The following FER1L6 variants were observed in gnomAD, a reference collection of about 807,000 sequenced individuals.
The protein encoded by FER1L6 is fer-1 like family member 6, also known as fer-1-like protein 6.
In FER1L6, 177 loss-of-function variants were observed where a neutral mutation model predicts 219.2. The observed-to-expected ratio is 0.81, with a 90% CI of 0.71 to 0.91. FER1L6 has a LOEUF of 0.91. Ranked by LOEUF, FER1L6 falls within the 40% of genes least tolerant of loss-of-function variation. FER1L6 has a pLI of 0.00. For synonymous variants in FER1L6, 768 were observed against 824.3 expected (o/e 0.93, Z 1.17); for missense variants, 2,153 against 2,259.9 (o/e 0.95, Z 0.96).
intron 1 of FER1L6, among the ~76,000 whole-genome samples, chr8:123,893,098 G>C (rs1387333317): frequency 6.6e-6 from 1 of 152,010 alleles, no homozygotes; most frequent in Non-Finnish European, 1.5e-5. Flanking sequence ...TTGTCAACTG[G>C]GTCATTGGTT....
At chr8:123,965,910 T>C in intron 3 of FER1L6, 97 bp from the exon 4 acceptor site, 2 of 1,093,560 alleles carry the variant, frequency 1.8e-6, no homozygotes, top group Non-Finnish European at 2.7e-6. Flanking sequence ...TGTAATAATA[T>C]TAAATGAAAG....
chr8:124,100,103 T>A (rs904494910), intron 37 of FER1L6, among the ~76,000 whole-genome samples: 1 of 152,268 alleles, frequency 6.6e-6, no homozygotes, highest in Middle Eastern at 3.4e-3. Context: ...CCCTGAGTGG[T>A]GACACTCCTC....
chr8:124,047,239 C>A (rs1484843060), intron 21 of FER1L6, among the ~76,000 whole-genome samples: 1 of 152,208 alleles, frequency 6.6e-6, no homozygotes, highest in African/African-American at 2.4e-5. Flanking sequence ...ACTTTGGAGC[C>A]AGGCAGACTT....
chr8:123,860,080 C>G (rs963639409), intron 1 of FER1L6, among the ~76,000 whole-genome samples: 2 of 139,994 alleles, frequency 1.4e-5, no homozygotes, highest in Non-Finnish European at 3.0e-5. Context: ...ACTGCACCCA[C>G]TAACTCGTCA....
intron 13 of FER1L6, among the ~76,000 whole-genome samples, chr8:124,005,147 C>T (rs28639571): frequency 3.0e-3 from 453 of 152,286 alleles, no homozygotes; most frequent in African/African-American, 0.01. Flanking sequence ...GCACCTTCAC[C>T]TTACATTACT....
intron 1 of FER1L6, among the ~76,000 whole-genome samples, chr8:123,898,038 C>T (rs766468086): frequency 1.3e-5 from 2 of 151,892 alleles, no homozygotes; most frequent in Non-Finnish European, 2.9e-5. Flanking sequence ...TTTTGTGCAT[C>T]TCTGACTTAA....
intron 26 of FER1L6, among the ~76,000 whole-genome samples, chr8:124,065,952 A>C (rs1005745092): frequency 1.3e-5 from 2 of 152,254 alleles, no homozygotes; most frequent in African/African-American, 4.8e-5. Context: ...AGAATTGCCT[A>C]AATTATGTAC....
chr8:123,928,360 TG>T (rs1388762075), intron 1 of FER1L6, among the ~76,000 whole-genome samples: 5 of 152,190 alleles, frequency 3.3e-5, no homozygotes. Flanking sequence ...AATGCAGGCA[TG>T]TGACAGGCTC....
Position 124,119,694 on chromosome 8 carries a change from C to A in FER1L6, c.5478C>A (p.Ile1826=). ...LIWKNYKKYI[I]IAFILIILII... is the part of the protein sequence containing the mutation. Reference sequence around the variant, plus strand: ...GGAAGAATTACAAAAAGTACATCATCATTGCTTTCATTCTCATCATCCTCA... The same window carrying A: ...GGAAGAATTACAAAAAGTACATCATAATTGCTTTCATTCTCATCATCCTCA... Residue 1826 remains isoleucine, a synonymous_variant, in exon 41 of 41, where the codon ATC becomes ATA. Coordinates refer to ENST00000522917, the MANE Select transcript of FER1L6 (RefSeq NM_001039112.2). 6.2e-7 allele frequency: 1 copy of A among 1,613,018 alleles called. No homozygotes were observed. Among genetic ancestry groups the A allele is most frequent in the Non-Finnish European group, 8.5e-7 (1 of 1,179,012 alleles).
At chr8:123,900,945 A>T (rs1812845371) in intron 1 of FER1L6, among the ~76,000 whole-genome samples, 3 of 152,120 alleles carry the variant, frequency 2.0e-5, no homozygotes, top group Admixed American at 1.3e-4. Context: ...TTCATCAAGG[A>T]TATTGATCTG....
At chr8:123,887,248 A>G (rs904865310) in intron 1 of FER1L6, among the ~76,000 whole-genome samples, 6 of 152,156 alleles carry the variant, frequency 3.9e-5, no homozygotes, top group Non-Finnish European at 7.3e-5. Context: ...TTTCTTGGCA[A>G]TAATTGCTGT....
chr8:124,029,046 T>C (rs576509492), intron 18 of FER1L6, among the ~76,000 whole-genome samples: 2 of 152,358 alleles, frequency 1.3e-5, no homozygotes, highest in African/African-American at 4.8e-5. Flanking sequence ...TTTCTGTTCC[T>C]GTGTTAGTTT....
chr8:123,939,339 A>G (rs780621536), intron 1 of FER1L6: 1 of 324,296 alleles, frequency 3.1e-6, no homozygotes, highest in Non-Finnish European at 4.4e-6. Context: ...TCAAAATGCA[A>G]TTCAAAATGG....
intron 1 of FER1L6, among the ~76,000 whole-genome samples, chr8:123,884,102 T>C (rs1284184035): frequency 6.6e-6 from 1 of 152,206 alleles, no homozygotes; most frequent in Non-Finnish European, 1.5e-5. Context: ...CTGTGTGCAC[T>C]ACAAATCACA....
chr8:124,105,824 A>G (rs1363991136), intron 39 of FER1L6, among the ~76,000 whole-genome samples: 1 of 152,226 alleles, frequency 6.6e-6, no homozygotes, highest in Non-Finnish European at 1.5e-5. Context: ...TCAGTCATGA[A>G]AAGGAATGAA....
chr8:124,045,710 A>C, intron 20 of FER1L6, 57 bp from the exon 21 acceptor site: 2 of 1,585,862 alleles, frequency 1.3e-6, no homozygotes, highest in Non-Finnish European at 1.7e-6. Flanking sequence ...AATGAACCTT[A>C]GAGCCCCTAT....
intron 10 of FER1L6, among the ~76,000 whole-genome samples, chr8:123,979,270 G>T (rs963857621): frequency 3.9e-5 from 6 of 152,148 alleles, no homozygotes; most frequent in African/African-American, 1.4e-4. Context: ...GCACTCAATT[G>T]ATAGTTTCTT....
chr8:124,094,858 G>A (rs1375170752), intron 34 of FER1L6, 38 bp from the exon 35 acceptor site: 1 of 1,611,456 alleles, frequency 6.2e-7, no homozygotes, highest in Non-Finnish European at 8.5e-7. Context: ...CTCCTTGCAG[G>A]AACACACATC....
chr8:123,993,426 A>C (rs975012758), intron 12 of FER1L6, among the ~76,000 whole-genome samples: 1 of 146,108 alleles, frequency 6.8e-6, no homozygotes, highest in African/African-American at 2.6e-5. Context: ...TGGGCGACAG[A>C]GCGAGACTCC....
Sources: allele counts gnomAD v4.1 joint callset (sites outside exome capture counted in the v4.1 genomes callset), GRCh38; gene constraint gnomAD v4.1.1; transcripts MANE v1.5; gene names NCBI Gene and HGNC (gene_info 2026-07-23, HGNC 2026-07-21).